Variants in CNTNAP1 observed in about 807,000 individuals in gnomAD.
CNTNAP1 encodes contactin associated protein 1.
A neutral mutation model predicts 161.5 loss-of-function variants in CNTNAP1; 80 were observed. That is an observed-to-expected ratio of 0.50 (90% CI 0.41 to 0.60). The LOEUF (loss-of-function observed/expected upper bound fraction) is 0.60. CNTNAP1 is among the 20% of genes least tolerant of loss of function. The pLI is 0.00. For missense variants in CNTNAP1, 1,464 were observed against 1,854.8 expected (o/e 0.79, Z 3.87); for synonymous variants, 695 against 733.1 (o/e 0.95, Z 0.84).
In CNTNAP1 at chr17:42,696,197, G is replaced by A. The variant is rs368281264; in HGVS notation, c.3474+45G>A. The stretch of plus-strand genomic sequence containing the variant: ...AGCCAGTTCAGATCATAACCTCATG[G>A]TCTCCGTTGTGGCATCCAGGAAAAC... On this transcript the variant is annotated intron_variant, in intron 20 of 23. Coordinates refer to ENST00000264638, the MANE Select transcript of CNTNAP1 (RefSeq NM_003632.3). 73 of 1,608,308 alleles carry A rather than the reference G, an allele frequency of 4.5e-5. No individual in the cohort carries two copies. In the African/African-American group the frequency reaches 8.7e-4, roughly 19 times the overall value.
Position 42,691,244 on chromosome 17 carries a change from T to C in CNTNAP1, c.2167T>C (p.Cys723Arg). 1 of 1,614,156 alleles carries C rather than the reference T, an allele frequency of 6.2e-7. No individual in the cohort carries two copies. The highest frequency in any genetic ancestry group is 8.5e-7 in the Non-Finnish European group (1 of 1,180,012). ...CTGTGCCTGTGGTCTGGACCGGAGC[T>C]GTGTGGACCCTGCCTTGTACTGCAA... The part of the protein sequence containing the change: ...QRCACGLDRS[C>R]VDPALYCNCD... The change falls in exon 14 of 24, where the codon TGT becomes CGT. Residue 723 changes from cysteine to arginine, a missense_variant. Transcript: ENST00000264638. The surrounding 1 kb of genome is among the most constrained non-coding windows in gnomAD (Gnocchi z 4.3).
At chr17:42,689,812 C>T in intron 11 of CNTNAP1, 185 bp downstream of exon 11, 1 of 598,560 alleles carries the variant, frequency 1.7e-6, no homozygotes, top group Non-Finnish European at 2.9e-6. Flanking sequence ...GCCATCTGGG[C>T]TCGCTGCAAC....
At position 42,690,169 on chromosome 17, in the gene CNTNAP1, G is replaced by A; in HGVS notation, c.1817G>A (p.Gly606Asp). The A allele has an allele frequency of 6.2e-7, 1 of 1,614,024 alleles. No individual in the cohort carries two copies. The highest frequency in any genetic ancestry group is 8.5e-7 in the Non-Finnish European group (1 of 1,179,950). Reference sequence around the variant, plus strand: ...TTCACCATTGATCCTGATGGCAGTGGCCCCCTGAAGCCATTTGTAGTGTAC... The same window carrying A: ...TTCACCATTGATCCTGATGGCAGTGACCCCCTGAAGCCATTTGTAGTGTAC... ...GNFTIDPDGSGPLKPFVVYCD... is the reference protein window; with the variant it reads ...GNFTIDPDGSDPLKPFVVYCD... The change falls in exon 12 of 24, where the codon GGC becomes GAC. Residue 606 changes from glycine (G) to aspartate (D), a missense_variant. Coordinates refer to ENST00000264638, the MANE Select transcript of CNTNAP1 (RefSeq NM_003632.3).
In CNTNAP1 at chr17:42,689,507, G is replaced by T; in HGVS notation, c.1629-14G>T. Reference sequence around the variant, plus strand: ...CAGTAAGGCTCCTTCCCTTGGTCCTGACCCCTTCCCTAGGTGCAGCCCTAA... The same window carrying T: ...CAGTAAGGCTCCTTCCCTTGGTCCTTACCCCTTCCCTAGGTGCAGCCCTAA... On this transcript the variant is annotated splice_polypyrimidine_tract_variant and intron_variant, in intron 10 of 23. Transcript: ENST00000264638. The T allele has an allele frequency of 6.2e-7, 1 of 1,608,384 alleles. No individual in the cohort carries two copies. Among genetic ancestry groups the T allele is most frequent in the South Asian group, 1.1e-5 (1 of 90,588 alleles).
rs994762482 is a variant in CNTNAP1, at chr17:42,688,896, C to T, written c.1477C>T (p.Arg493Ter). ...TCCAGGTTGTCCCAAGCCAGCCAGTCGATGGGACTGCCACTCCAACCAGAC... is the reference window on the plus strand; with the variant it reads ...TCCAGGTTGTCCCAAGCCAGCCAGTTGATGGGACTGCCACTCCAACCAGAC... The part of the protein sequence containing the change: ...FFGGCPKPAS[R>*]WDCHSNQTAF... The change falls in exon 10 of 24, where the codon CGA (arginine) becomes TGA (stop). Residue 493 changes from arginine to a stop codon, truncating the protein, a stop_gained. Coordinates refer to ENST00000264638, the MANE Select transcript of CNTNAP1 (RefSeq NM_003632.3). LOFTEE classifies it high-confidence loss of function. The T allele has an allele frequency of 4.3e-6, 7 of 1,613,960 alleles. No individual in the cohort carries two copies. The highest frequency in any genetic ancestry group is 1.3e-5 in the African/African-American group (1 of 74,906).
chr17:42,688,572 C>T lies in CNTNAP1; in HGVS notation c.1417C>T (p.Pro473Ser), dbSNP rs146616808. Residue 473 changes from proline (P) to serine (S), a missense_variant, in exon 9 of 24, where the codon CCG (proline) becomes TCG (serine). This residue lies in a region of CNTNAP1 where 1,383 missense variants were observed against 1,765.0 expected (regional missense o/e 0.78). Transcript: ENST00000264638. Reference protein sequence around the residue: ...VEGAEVRVSYPLLIRTGTSYF... With the variant: ...VEGAEVRVSYSLLIRTGTSYF... ...AGGGGCAGAGGTCAGGGTCTCATAC[C>T]CGTTGCTGATCCGGACAGGGACCTC... 1.3e-5 allele frequency: 21 copies of T among 1,614,006 alleles called. No homozygotes were observed. The highest frequency in any genetic ancestry group is 2.2e-5 in the East Asian group (1 of 44,884).
At chr17:42,694,347 T>A (rs1371798103) in intron 18 of CNTNAP1, among the ~76,000 whole-genome samples, 1 of 151,866 alleles carries the variant, frequency 6.6e-6, no homozygotes, top group Non-Finnish European at 1.5e-5. Context: ...AATTTTTGTA[T>A]TTTTAGTAGA....
At position 42,690,951 on chromosome 17, in the gene CNTNAP1, T is replaced by C. The variant is rs2053078553; in HGVS notation, c.2059+9T>C. On this transcript the variant is annotated intron_variant, in intron 13 of 23. Coordinates refer to ENST00000264638, the MANE Select transcript of CNTNAP1 (RefSeq NM_003632.3). ...GCTGCTCAACACTGCAGGTTAGGGC[T>C]GGGGTCAGGGAGGTGGCGGAACTGG... 4.3e-6 allele frequency: 7 copies of C among 1,613,824 alleles called. No homozygotes were observed. The East Asian group carries it at 1.6e-4, about 36-fold the overall frequency.
At chr17:42,689,268 T>C (rs147020453) in intron 10 of CNTNAP1, among the ~76,000 whole-genome samples, 1 of 151,402 alleles carries the variant, frequency 6.6e-6, no homozygotes, top group East Asian at 2.0e-4. Context: ...CCTAGAGGGG[T>C]TTTTTGTGCT....
intron 23 of CNTNAP1, 70 bp from the exon 24 acceptor site, chr17:42,698,534 CGTGTGTGTGTGTGT>C (rs112344327): frequency 2.4e-5 from 21 of 865,276 alleles, no homozygotes; most frequent in East Asian, 5.3e-5. Flanking sequence ...TCAAAGAGTG[CGTGTGTGTGTGTGT>C]GTGTGTGTGT....
Position 42,697,975 on chromosome 17 carries a change from G to A in CNTNAP1, c.3862+25G>A, listed in dbSNP as rs761939749. ...TGTGAGTAGCACTGATCACTAAGCTGACCTCCCAAGACTACCCTCTGACTG... is the reference window on the plus strand; with the variant it reads ...TGTGAGTAGCACTGATCACTAAGCTAACCTCCCAAGACTACCCTCTGACTG... On this transcript the variant is annotated intron_variant, in intron 23 of 23. Coordinates refer to ENST00000264638, the MANE Select transcript of CNTNAP1 (RefSeq NM_003632.3). 5 of 1,613,274 alleles carry A rather than the reference G, an allele frequency of 3.1e-6. No homozygotes were observed. In the South Asian group the frequency reaches 3.3e-5, roughly 11 times the overall value.
Position 42,687,570 on chromosome 17 carries a change from G to T in CNTNAP1, c.1045-150G>T. 1.9e-6 allele frequency: 2 copies of T among 1,038,956 alleles called. No individual in the cohort carries two copies. Among genetic ancestry groups the T allele is most frequent in the Non-Finnish European group, 2.8e-6 (2 of 708,308 alleles). The allele number at this position is 1,038,956 out of a possible 1,614,324, so 64.4% of individuals were successfully genotyped here. On this transcript the variant is annotated intron_variant, in intron 7 of 23. Transcript: ENST00000264638. The surrounding 1 kb of genome is among the most constrained non-coding windows in gnomAD (Gnocchi z 4.7). ...CCTCCACAGATGGACGAGCTTGGAG[G>T]GGAAGAGGTCACGTCATGGTTGGAG...
chr17:42,693,486 A>G lies in CNTNAP1; in HGVS notation c.2942A>G (p.Tyr981Cys). The G allele has an allele frequency of 6.2e-7, 1 of 1,614,192 alleles. No homozygotes were observed. The highest frequency in any genetic ancestry group is 8.5e-7 in the Non-Finnish European group (1 of 1,180,024). Residue 981 changes from tyrosine (Y) to cysteine (C), a missense_variant, in exon 18 of 24, where the codon TAC (tyrosine) becomes TGC (cysteine). Tyr to Cys is a radical substitution (Grantham distance 194). Transcript: ENST00000264638. ...GGRCVERYSY[Y>C]TCDCDLTAFD... ...CGCTGCGTGGAGCGCTATAGCTACT[A>G]CACGTGTGACTGTGACCTCACGGCT...
chr17:42,688,713 C>A (rs1440152617), intron 9 of CNTNAP1, 102 bp downstream of exon 9: 1 of 1,549,754 alleles, frequency 6.5e-7, no homozygotes, highest in Non-Finnish European at 8.8e-7. Context: ...AGGGATCAAG[C>A]CCTCTTCCCC....
intron 6 of CNTNAP1, among the ~76,000 whole-genome samples, chr17:42,686,522 C>A (rs1200662590): frequency 1.7e-5 from 2 of 119,342 alleles, no homozygotes; most frequent in Non-Finnish European, 3.3e-5. Flanking sequence ...AGCATGCAGA[C>A]TCCCAGGCAC....
In CNTNAP1 at chr17:42,684,160, A is replaced by G. The variant is rs1196834889; in HGVS notation, c.294A>G (p.Thr98=). The stretch of plus-strand genomic sequence containing the variant: ...CCTTTAATTCTTGGGACTGGGTCAC[A>G]CGTTACATGCTACTCTACGGCGACC... ...QGSFNSWDWV[T]RYMLLYGDRV... Residue 98 remains threonine, a synonymous_variant, in exon 3 of 24, where the codon ACA becomes ACG. Coordinates refer to ENST00000264638, the MANE Select transcript of CNTNAP1 (RefSeq NM_003632.3). 6 of 1,614,194 alleles carry G rather than the reference A, an allele frequency of 3.7e-6. No homozygotes were observed. The highest frequency in any genetic ancestry group is 5.1e-6 in the Non-Finnish European group (6 of 1,180,034).
intron 10 of CNTNAP1, 49 bp from the exon 11 acceptor site, chr17:42,689,472 C>T: frequency 6.9e-7 from 1 of 1,455,924 alleles, no homozygotes; most frequent in Non-Finnish European, 9.6e-7. Context: ...AGACCCCACT[C>T]TCCAGCTCCC....
chr17:42,698,391 G>C (rs932983622), intron 23 of CNTNAP1, among the ~76,000 whole-genome samples: 1 of 152,026 alleles, frequency 6.6e-6, no homozygotes, highest in Non-Finnish European at 1.5e-5. Context: ...GATGAGTTTA[G>C]TGTGGTCGAA....
chr17:42,693,213 C>A (rs1597809578), intron 17 of CNTNAP1, 84 bp from the exon 18 acceptor site: 5 of 1,513,768 alleles, frequency 3.3e-6, no homozygotes, highest in Non-Finnish European at 4.5e-6. Context: ...CCCGCCTCGG[C>A]CTCCCAAAGT....
Sources: gnomAD v4.1 joint callset for allele counts (sites outside exome capture counted in the v4.1 genomes callset) on GRCh38, gnomAD v4.1.1 for gene constraint, gnomAD v4.1.1 regional missense constraint, Gnocchi (gnomAD v3.1) non-coding constraint, MANE v1.5 for transcripts, NCBI Gene and HGNC (gene_info 2026-07-23, HGNC 2026-07-21) for gene names.